GGACT: variants seen among roughly 807,000 people sequenced by gnomAD.
The protein encoded by GGACT is gamma-glutamylamine cyclotransferase, also known as gamma-glutamylaminecyclotransferase.
For synonymous variants in GGACT, 118 were observed against 115.3 expected (o/e 1.02, Z -0.15); for missense variants, 241 against 233.2 (o/e 1.03, Z -0.22).
chr13:100,581,932 T>C (rs1048140912), intron 2 of GGACT, among the ~76,000 whole-genome samples: 19 of 152,252 alleles, frequency 1.2e-4, no homozygotes, highest in African/African-American at 3.6e-4. Flanking sequence ...TGGGTTGTTC[T>C]GAACTGAGAT....
At chr13:100,556,210 T>C (rs188435425) in intron 2 of GGACT, among the ~76,000 whole-genome samples, 2 of 152,360 alleles carry the variant, frequency 1.3e-5, no homozygotes, top group East Asian at 3.9e-4. Flanking sequence ...TTAACATAAC[T>C]GTCAGTACAG....
intron 2 of GGACT, among the ~76,000 whole-genome samples, chr13:100,555,237 A>G (rs1481906200): frequency 1.3e-5 from 2 of 152,200 alleles, no homozygotes; most frequent in African/African-American, 4.8e-5. Context: ...TAGAAAAGAA[A>G]ATTACAGCCA....
chr13:100,559,450 G>A (rs1459328579), intron 2 of GGACT, among the ~76,000 whole-genome samples: 1 of 151,154 alleles, frequency 6.6e-6, no homozygotes, highest in East Asian at 2.0e-4. Flanking sequence ...GCCTCCCAAT[G>A]TGCTGGGATT....
At chr13:100,577,987 G>T (rs1339025662) in intron 2 of GGACT, among the ~76,000 whole-genome samples, 1 of 152,080 alleles carries the variant, frequency 6.6e-6, no homozygotes, top group Non-Finnish European at 1.5e-5. Context: ...CTTCACCAGG[G>T]GTTCGTTATT....
intron 2 of GGACT, among the ~76,000 whole-genome samples, chr13:100,550,335 CACACACACACACACA>C (rs2088649004): frequency 7.5e-6 from 1 of 133,466 alleles, no homozygotes; most frequent in African/African-American, 2.8e-5. Context: ...CACACACACA[CACACACACACACACA>C]CACACCACTG....
At chr13:100,550,928 C>CTT (rs1200212279) in intron 2 of GGACT, among the ~76,000 whole-genome samples, 1 of 152,000 alleles carries the variant, frequency 6.6e-6, no homozygotes, top group Non-Finnish European at 1.5e-5. Context: ...AGGCATTTAA[C>CTT]TTTTTTGGGA....
At chr13:100,563,836 G>A (rs1046256638) in intron 2 of GGACT, among the ~76,000 whole-genome samples, 1 of 152,252 alleles carries the variant, frequency 6.6e-6, no homozygotes, top group South Asian at 2.1e-4. Context: ...GCCCCTGGAG[G>A]AGGGTAAAAA....
intron 2 of GGACT, chr13:100,540,389 G>A (rs2088542142): frequency 1.6e-6 from 1 of 627,130 alleles, no homozygotes; most frequent in African/African-American, 1.8e-5. Flanking sequence ...TTTCATCTAG[G>A]TTAGACAATT....
At position 100,531,998 on chromosome 13, in the gene GGACT, C is replaced by G. The variant is rs41281126; in HGVS notation, c.*132G>C. ...ACATTATTTGTAAAATCAGCTGCCA[C>G]TGAAAGATTGGTTCCTTTCCGGCAG... On this transcript the variant is annotated 3_prime_UTR_variant, in exon 3 of 3. Transcript: ENST00000683975. The G allele has an allele frequency of 0.057, 30,939 of 544,226 alleles. 1,022 individuals are homozygous for G. The highest frequency in any genetic ancestry group is 0.072 in the Middle Eastern group (138 of 1,922). 33.7% of individuals were successfully genotyped at this position (544,226 alleles called of 1,614,324 possible). A position where few individuals can be genotyped will look rare whatever the true frequency, so the allele number is the denominator to read the frequency against.
intron 2 of GGACT, among the ~76,000 whole-genome samples, chr13:100,578,340 C>T (rs1000813246): frequency 3.3e-5 from 5 of 152,214 alleles, no homozygotes; most frequent in African/African-American, 4.8e-5. Context: ...ACCACTACAC[C>T]GCAACCTGAG....
chr13:100,573,496 T>G (rs1875156931), intron 2 of GGACT, among the ~76,000 whole-genome samples: 1 of 152,166 alleles, frequency 6.6e-6, no homozygotes, highest in East Asian at 1.9e-4. Flanking sequence ...ACAGATGTAA[T>G]GGTCAATTAA....
chr13:100,568,575 C>T (rs745374727), intron 2 of GGACT, among the ~76,000 whole-genome samples: 1 of 152,228 alleles, frequency 6.6e-6, no homozygotes, highest in Non-Finnish European at 1.5e-5. Flanking sequence ...ATGGGAACTA[C>T]AATTCAAGAT....
intron 2 of GGACT, among the ~76,000 whole-genome samples, chr13:100,551,153 G>A (rs1402942802): frequency 2.6e-5 from 4 of 152,064 alleles, no homozygotes; most frequent in East Asian, 1.9e-4. Flanking sequence ...GTGTGGTGGC[G>A]GGCGCCTGTG....
At chr13:100,558,667 C>G (rs1651375061) in intron 2 of GGACT, among the ~76,000 whole-genome samples, 1 of 152,170 alleles carries the variant, frequency 6.6e-6, no homozygotes, top group South Asian at 2.1e-4. Context: ...GATAAATGAA[C>G]TCATATATCC....
At chr13:100,536,684 CTT>C (rs2088497032) in intron 2 of GGACT, 1 of 152,200 alleles carries the variant, frequency 6.6e-6, no homozygotes, top group Admixed American at 6.5e-5. Flanking sequence ...CTGAGCCACT[CTT>C]TGGAAGTGAG....
At chr13:100,587,863 T>C (rs994201647) in intron 1 of GGACT, among the ~76,000 whole-genome samples, 3 of 152,052 alleles carry the variant, frequency 2.0e-5, no homozygotes, top group African/African-American at 7.2e-5. Flanking sequence ...CTGTCTCTAC[T>C]AAAAACACAA....
chr13:100,559,970 A>G (rs979970997), intron 2 of GGACT, among the ~76,000 whole-genome samples: 9 of 152,232 alleles, frequency 5.9e-5, no homozygotes, highest in African/African-American at 2.2e-4. Context: ...ATAAATCTCA[A>G]ACACATGAGC....
chr13:100,580,651 C>T (rs1566540220), intron 2 of GGACT, among the ~76,000 whole-genome samples: 1 of 152,214 alleles, frequency 6.6e-6, no homozygotes, highest in Non-Finnish European at 1.5e-5. Flanking sequence ...GTCAGGATAG[C>T]AAAGGCTGCC....
chr13:100,533,408 A>G (rs1311032500), intron 2 of GGACT: 1 of 152,214 alleles, frequency 6.6e-6, no homozygotes, highest in Non-Finnish European at 1.5e-5. Context: ...AGTCTGTCAA[A>G]CCTGTCCCAA....
Sources: allele counts gnomAD v4.1 joint callset (sites outside exome capture counted in the v4.1 genomes callset), GRCh38; gene constraint gnomAD v4.1.1; transcripts MANE v1.5; gene names NCBI Gene and HGNC (gene_info 2026-07-23, HGNC 2026-07-21).